Variants in GRM5 observed in about 807,000 individuals in gnomAD.
The protein encoded by GRM5 is glutamate metabotropic receptor 5.
A neutral mutation model predicts 83.1 loss-of-function variants in GRM5; 19 were observed. The observed-to-expected ratio is 0.23, with a 90% CI of 0.16 to 0.34. GRM5 has a LOEUF of 0.34. Among genes scored for constraint, GRM5 ranks in the 10% least tolerant of loss-of-function variants. The pLI, the probability that GRM5 is intolerant of heterozygous loss-of-function variation, is 1.00. For synonymous variants in GRM5, 675 were observed against 633.6 expected, an observed-to-expected ratio of 1.07 and a Z score of -0.98; for missense variants, 1,160 against 1,588.3, an observed-to-expected ratio of 0.73 and a Z score of 4.58.
chr11:88,981,252 A>C (rs1939511948), intron 2 of GRM5, among the ~76,000 whole-genome samples: 1 of 152,118 alleles, frequency 6.6e-6, no homozygotes, highest in South Asian at 2.1e-4. Flanking sequence ...CATTATATGA[A>C]CCTTTTTACC....
chr11:88,782,071 C>T (rs1337209782), intron 3 of GRM5, among the ~76,000 whole-genome samples: 2 of 151,902 alleles, frequency 1.3e-5, no homozygotes, highest in Admixed American at 6.6e-5. Flanking sequence ...GACTTTGTTA[C>T]TGTATTGCAT....
At chr11:88,991,096 T>C (rs977973508) in intron 2 of GRM5, among the ~76,000 whole-genome samples, 3 of 152,292 alleles carry the variant, frequency 2.0e-5, no homozygotes, top group Non-Finnish European at 2.9e-5. Context: ...GACGACATGA[T>C]TGTGTATCTA....
intron 7 of GRM5, among the ~76,000 whole-genome samples, chr11:88,569,592 C>T (rs1388007268): frequency 6.6e-6 from 1 of 152,170 alleles, no homozygotes. Flanking sequence ...TTACTTTCTT[C>T]TTCTGCTGCC....
intron 3 of GRM5, among the ~76,000 whole-genome samples, chr11:88,828,259 T>C (rs1943927099): frequency 1.3e-5 from 2 of 152,174 alleles, no homozygotes; most frequent in Non-Finnish European, 2.9e-5. Flanking sequence ...GCAAGTAAAT[T>C]AGATGGATTG....
intron 8 of GRM5, among the ~76,000 whole-genome samples, chr11:88,546,302 A>G (rs1219310724): frequency 6.6e-6 from 1 of 151,972 alleles, no homozygotes; most frequent in Admixed American, 6.6e-5. Flanking sequence ...CTCTCTGACT[A>G]TAGTTGAAGT....
At chr11:88,654,412 T>C (rs761254372) in intron 3 of GRM5, among the ~76,000 whole-genome samples, 6 of 152,134 alleles carry the variant, frequency 3.9e-5, no homozygotes, top group Non-Finnish European at 8.8e-5. Flanking sequence ...CATTGGTATA[T>C]ACACAGTTTG....
intron 3 of GRM5, among the ~76,000 whole-genome samples, chr11:88,753,052 T>C (rs1184605547): frequency 2.6e-5 from 4 of 151,960 alleles, no homozygotes; most frequent in Admixed American, 2.6e-4. Flanking sequence ...CATGAGCAAA[T>C]ATTTCATGAT....
intron 3 of GRM5, among the ~76,000 whole-genome samples, chr11:88,826,741 G>A (rs1943900538): frequency 1.3e-5 from 2 of 152,156 alleles, no homozygotes; most frequent in Middle Eastern, 3.4e-3. Context: ...GCCTCAGAAT[G>A]CATGGTAACA....
rs11018449 is a variant in GRM5 at position 89,064,218 on chromosome 11, C to A, written c.-201+1558G>T. Among the ~76,000 whole-genome samples the A allele has an allele frequency of 2.3e-3, 351 of 152,200 alleles. 1 individual carries two copies. The highest frequency in any genetic ancestry group is 3.8e-3 in the Non-Finnish European group (258 of 68,018). On this transcript the variant is annotated intron_variant, in intron 1 of 9. Transcript: ENST00000305447. ...GGCACTTATTTTCCTTGCCACCAAA[C>A]CTTCTTCCTCAATGCTAACCTTAAA...
chr11:88,527,612 ATCTC>A (rs1376942813), intron 8 of GRM5, among the ~76,000 whole-genome samples: 4 of 152,142 alleles, frequency 2.6e-5, no homozygotes, highest in Admixed American at 6.5e-5. Context: ...AGGAATATAA[ATCTC>A]TCTATCATAA....
At chr11:88,965,770 A>G (rs143443320) in intron 2 of GRM5, among the ~76,000 whole-genome samples, 2,112 of 152,286 alleles carry the variant, frequency 0.014, 66 homozygotes, top group African/African-American at 0.048. Context: ...TTGGTACATA[A>G]AGGAGACATA....
intron 3 of GRM5, among the ~76,000 whole-genome samples, chr11:88,818,334 C>G (rs1943726145): frequency 6.6e-6 from 1 of 152,056 alleles, no homozygotes; most frequent in African/African-American, 2.4e-5. Context: ...TGACATTCCT[C>G]AAATGCCTCC....
chr11:88,508,930 T>C lies in GRM5; in HGVS notation c.3301A>G (p.Lys1101Glu). 6.2e-7 allele frequency: 1 copy of C among 1,600,676 alleles called. No individual in the cohort carries two copies. Among genetic ancestry groups the C allele is most frequent in the Non-Finnish European group, 8.5e-7 (1 of 1,174,064 alleles). ...ATGGTCGTGGGCAACTGGATCTCTT[T>C]GGGGATCAGGTAGGACGAGCAGAGC... ...APLCSSYLIP[K>E]EIQLPTTMTT... The change falls in exon 10 of 10, where the codon AAA becomes GAA. Residue 1101 changes from lysine (K) to glutamate (E), a missense_variant. Physicochemically the swap from Lys to Glu is moderately conservative, Grantham distance 56. Around this residue, in one of 9 missense-constraint regions of GRM5, gnomAD observed 562 missense variants for 532.4 expected, o/e 1.06. Coordinates refer to ENST00000305447, the MANE Select transcript of GRM5 (RefSeq NM_001143831.3). This position sits in a 1 kb window ranked among gnomAD's most constrained non-coding sequence, Gnocchi z 4.2.
intron 8 of GRM5, among the ~76,000 whole-genome samples, chr11:88,536,631 A>G (rs974332620): frequency 5.9e-5 from 9 of 152,188 alleles, no homozygotes; most frequent in African/African-American, 2.2e-4. Context: ...ACACCAGCCA[A>G]GACCTCAGCT....
chr11:89,047,471 G>A lies in GRM5; in HGVS notation c.402C>T (p.Ser134=), dbSNP rs755573426. 8 of 1,614,192 alleles carry A rather than the reference G, an allele frequency of 5.0e-6. No homozygotes were observed. In the Admixed American group the frequency reaches 1.3e-4, roughly 27 times the overall value. ...EGLVRCVDGS[S]SSFRSKKPIV... is the part of the protein sequence containing the mutation. ...TGGGCTTCTTGGAGCGGAAGGAAGA[G>A]GAGGAGCCATCCACACAGCGTACCA... The change falls in exon 2 of 10, where the codon TCC becomes TCT. Residue 134 remains serine, a synonymous_variant. Transcript: ENST00000305447. The surrounding 1 kb of genome is among the most constrained non-coding windows in gnomAD (Gnocchi z 5.1).
Position 88,719,065 on chromosome 11 carries a change from CT to C in GRM5, c.912-65663del, listed in dbSNP as rs146611804. On this transcript the variant is annotated intron_variant, in intron 3 of 9. Coordinates refer to ENST00000305447, the MANE Select transcript of GRM5 (RefSeq NM_001143831.3). ...TTAACATTTATTATCATCTGACATA[CT>C]TTTTTTTTTAACTTTAGTTTAAGTT... Among the ~76,000 whole-genome samples, 995 of 149,592 alleles carry C rather than the reference CT, an allele frequency of 6.7e-3. 10 individuals carry two copies. The highest frequency in any genetic ancestry group is 0.022 in the African/African-American group (897 of 40,774).
intron 3 of GRM5, among the ~76,000 whole-genome samples, chr11:88,819,659 G>T (rs1343103154): frequency 6.6e-6 from 1 of 152,152 alleles, no homozygotes; most frequent in East Asian, 1.9e-4. Context: ...GTGGGTTACT[G>T]TGGCTCACTT....
intron 2 of GRM5, among the ~76,000 whole-genome samples, chr11:89,014,945 C>A (rs1298391707): frequency 6.6e-6 from 1 of 152,196 alleles, no homozygotes; most frequent in African/African-American, 2.4e-5. Context: ...AAGTGAGCTG[C>A]ACTCATCCAT....
At chr11:88,762,385 C>G (rs1323354567) in intron 3 of GRM5, among the ~76,000 whole-genome samples, 1 of 151,504 alleles carries the variant, frequency 6.6e-6, no homozygotes, top group Non-Finnish European at 1.5e-5. Context: ...TACATGAACA[C>G]TTTTCAAAAT....
Sources: allele counts gnomAD v4.1 joint callset (sites outside exome capture counted in the v4.1 genomes callset), GRCh38; gene constraint gnomAD v4.1.1; regional missense constraint gnomAD v4.1.1; non-coding constraint Gnocchi (gnomAD v3.1); transcripts MANE v1.5; gene names NCBI Gene and HGNC (gene_info 2026-07-23, HGNC 2026-07-21).